Variants in BTRC observed in about 807,000 individuals in gnomAD.
BTRC encodes F-box/WD repeat-containing protein 1A.
In BTRC, 42 loss-of-function variants were observed where a neutral mutation model predicts 85.5. That is an observed-to-expected ratio of 0.49 (90% CI 0.38 to 0.64). The LOEUF is 0.64. BTRC is among the 30% of genes least tolerant of loss of function. The pLI, the probability that BTRC is intolerant of heterozygous loss-of-function variation, is 0.00. For synonymous variants in BTRC, 255 were observed against 263.3 expected (o/e 0.97, Z 0.30); for missense variants, 594 against 743.5 (o/e 0.80, Z 2.34).
chr10:101,494,533 A>C (rs1946212545), intron 4 of BTRC, among the ~76,000 whole-genome samples: 1 of 152,204 alleles, frequency 6.6e-6, no homozygotes, highest in Non-Finnish European at 1.5e-5. Flanking sequence ...AGCAAGACAT[A>C]ATTATCTTCC....
chr10:101,382,061 C>G (rs770376449), intron 1 of BTRC, among the ~76,000 whole-genome samples: 14 of 142,226 alleles, frequency 9.8e-5, no homozygotes, highest in Non-Finnish European at 1.5e-4. Context: ...CAGCTCACTG[C>G]AACCTTCGCC....
intron 1 of BTRC, chr10:101,354,551 G>A (rs576631479): frequency 6.3e-5 from 24 of 382,784 alleles, no homozygotes; most frequent in Non-Finnish European, 1.1e-4. Context: ...AGCGGAGGAA[G>A]CTCTCTGGAG....
At chr10:101,496,201 A>G (rs1042102832) in intron 4 of BTRC, among the ~76,000 whole-genome samples, 3 of 152,200 alleles carry the variant, frequency 2.0e-5, no homozygotes, top group Non-Finnish European at 4.4e-5. Flanking sequence ...TATTTTACAT[A>G]TATTTTCCTG....
chr10:101,489,672 A>G (rs1946078972), intron 4 of BTRC, among the ~76,000 whole-genome samples: 1 of 152,174 alleles, frequency 6.6e-6, no homozygotes, highest in South Asian at 2.1e-4. Context: ...ATGAATTTAA[A>G]TGACTCTTCT....
At chr10:101,487,925 G>A (rs912040807) in intron 4 of BTRC, among the ~76,000 whole-genome samples, 1 of 152,142 alleles carries the variant, frequency 6.6e-6, no homozygotes, top group Non-Finnish European at 1.5e-5. Flanking sequence ...AGAGCTGGTT[G>A]CAGGCTTAAG....
intron 2 of BTRC, among the ~76,000 whole-genome samples, chr10:101,449,533 G>A (rs1944907722): frequency 6.6e-6 from 1 of 152,054 alleles, no homozygotes; most frequent in Admixed American, 6.5e-5. Flanking sequence ...AAATATGGCA[G>A]CAAAGAAAAT....
At chr10:101,427,227 C>T (rs1459677939) in intron 1 of BTRC, among the ~76,000 whole-genome samples, 6 of 149,416 alleles carry the variant, frequency 4.0e-5, no homozygotes, top group Admixed American at 1.3e-4. Context: ...AAGCGATTCT[C>T]CTGCCTCAGC....
intron 3 of BTRC, among the ~76,000 whole-genome samples, chr10:101,466,547 A>G (rs939006690): frequency 1.3e-5 from 2 of 152,200 alleles, no homozygotes; most frequent in Non-Finnish European, 2.9e-5. Flanking sequence ...GAGGGTTTAC[A>G]TTGATTAGGG....
At chr10:101,411,838 G>A (rs1943788617) in intron 1 of BTRC, among the ~76,000 whole-genome samples, 1 of 151,948 alleles carries the variant, frequency 6.6e-6, no homozygotes, top group South Asian at 2.1e-4. Context: ...TTGAATATTT[G>A]TATTTTAAAA....
chr10:101,376,691 A>G (rs1205689907), intron 1 of BTRC, among the ~76,000 whole-genome samples: 2 of 152,206 alleles, frequency 1.3e-5, no homozygotes, highest in Admixed American at 6.5e-5. Flanking sequence ...ACCATCAGCC[A>G]TGGCATCTTT....
chr10:101,490,200 C>T (rs1382592533), intron 4 of BTRC, among the ~76,000 whole-genome samples: 1 of 151,668 alleles, frequency 6.6e-6, no homozygotes, highest in Non-Finnish European at 1.5e-5. Context: ...TCCCTTCCTT[C>T]CTCCCTTCTT....
chr10:101,557,095 C>T lies in BTRC; in HGVS notation c.*3972C>T, dbSNP rs1343629750. On this transcript the variant is annotated 3_prime_UTR_variant, in exon 15 of 15. Coordinates refer to ENST00000370187, the MANE Select transcript of BTRC (RefSeq NM_033637.4). ...CACTCCAATGATGGGACAGGCCTAA[C>T]AACACATGTAAGCTTCCCCGAGAGC... 1 of 152,192 alleles carries T rather than the reference C, an allele frequency of 6.6e-6. No individual in the cohort carries two copies. The highest frequency in any genetic ancestry group is 1.5e-5 in the Non-Finnish European group (1 of 68,048). 9.4% of individuals were successfully genotyped at this position (152,192 alleles called of 1,614,324 possible). A position where few individuals can be genotyped will look rare whatever the true frequency, so the allele number is the denominator to read the frequency against.
intron 11 of BTRC, 91 bp downstream of exon 11, chr10:101,535,563 A>G (rs966743079): frequency 2.3e-6 from 2 of 874,746 alleles, no homozygotes; most frequent in Admixed American, 3.1e-5. Flanking sequence ...CAATTTTGTT[A>G]TGTTTATAAT....
chr10:101,398,413 C>T (rs1943417004), intron 1 of BTRC, among the ~76,000 whole-genome samples: 2 of 152,114 alleles, frequency 1.3e-5, no homozygotes, highest in South Asian at 4.1e-4. Context: ...CACCATTCTC[C>T]TGCCTCAGCC....
intron 4 of BTRC, among the ~76,000 whole-genome samples, chr10:101,495,369 T>A (rs1355705516): frequency 6.6e-6 from 1 of 152,252 alleles, no homozygotes; most frequent in Non-Finnish European, 1.5e-5. Flanking sequence ...CTGTGAACTT[T>A]GCAAAACTGG....
chr10:101,519,227 C>T (rs1192416798), intron 4 of BTRC, among the ~76,000 whole-genome samples: 2 of 151,876 alleles, frequency 1.3e-5, no homozygotes, highest in East Asian at 1.9e-4. Flanking sequence ...TACAGGCACC[C>T]GCCACCACAC....
At chr10:101,492,613 A>G (rs375427717) in intron 4 of BTRC, among the ~76,000 whole-genome samples, 3 of 152,202 alleles carry the variant, frequency 2.0e-5, no homozygotes, top group East Asian at 3.8e-4. Flanking sequence ...TAGTATTAAT[A>G]TAGTGTCATT....
At chr10:101,363,833 A>G (rs1250677937) in intron 1 of BTRC, among the ~76,000 whole-genome samples, 2 of 152,196 alleles carry the variant, frequency 1.3e-5, no homozygotes, top group Non-Finnish European at 2.9e-5. Context: ...CCAGATTTAC[A>G]TATAGGTTTC....
At chr10:101,423,867 A>T (rs1164910331) in intron 1 of BTRC, among the ~76,000 whole-genome samples, 4 of 152,238 alleles carry the variant, frequency 2.6e-5, no homozygotes, top group Non-Finnish European at 4.4e-5. Flanking sequence ...TGCAAGTGGC[A>T]TTCACAGAAG....
Sources: gnomAD v4.1 joint callset for allele counts (sites outside exome capture counted in the v4.1 genomes callset) on GRCh38, gnomAD v4.1.1 for gene constraint, MANE v1.5 for transcripts, NCBI Gene and HGNC (gene_info 2026-07-23, HGNC 2026-07-21) for gene names.